Variants in TRIM36 observed in about 807,000 individuals in gnomAD.
TRIM36 encodes the protein tripartite motif containing 36, also known as E3 ubiquitin-protein ligase TRIM36.
In TRIM36, 42 loss-of-function variants were observed where a neutral mutation model predicts 72.4. That is an observed-to-expected ratio of 0.58 (90% confidence interval 0.45 to 0.75). TRIM36 has a LOEUF of 0.75. Among genes scored for constraint, TRIM36 ranks in the 30% least tolerant of loss-of-function variants. The pLI is 0.00. For missense variants in TRIM36, 913 were observed against 857.1 expected (o/e 1.07, Z -0.81); for synonymous variants, 315 against 282.8 (o/e 1.11, Z -1.14).
intron 1 of TRIM36, chr5:115,168,948 G>A (rs1754933426): frequency 6.6e-6 from 1 of 152,206 alleles, no homozygotes. Context: ...AATCACAATG[G>A]ACATAAAGTA....
At chr5:115,161,594 C>A (rs377234254) in intron 2 of TRIM36, among the ~76,000 whole-genome samples, 3 of 152,290 alleles carry the variant, frequency 2.0e-5, no homozygotes, top group Admixed American at 1.3e-4. Context: ...AAACCACTAT[C>A]AAGTTTTTGT....
At position 115,125,388 on chromosome 5, in the gene TRIM36, G is replaced by C. The variant is rs1019458063; in HGVS notation, c.*1115C>G. On this transcript the variant is annotated 3_prime_UTR_variant, in exon 10 of 10. Transcript: ENST00000513154. Reference sequence around the variant, plus strand: ...AGGGTACACAGTCATTGTGATCTTAGTTATCATTTCTAAGTAATTAAATTT... The same window carrying C: ...AGGGTACACAGTCATTGTGATCTTACTTATCATTTCTAAGTAATTAAATTT... The C allele has an allele frequency of 6.6e-6, 1 of 152,034 alleles. No homozygotes were observed. The highest frequency in any genetic ancestry group is 2.4e-5 in the African/African-American group (1 of 41,420). 9.4% of individuals were successfully genotyped at this position (152,034 alleles called of 1,614,324 possible). A position where few individuals can be genotyped will look rare whatever the true frequency, so the allele number is the denominator to read the frequency against.
intron 1 of TRIM36, among the ~76,000 whole-genome samples, chr5:115,178,917 A>C (rs925654598): frequency 6.6e-6 from 1 of 151,812 alleles, no homozygotes; most frequent in Middle Eastern, 3.2e-3. Flanking sequence ...ATCTAAAACT[A>C]CTCCATATGC....
At chr5:115,179,919 CA>C in intron 1 of TRIM36, 2 of 1,522,950 alleles carry the variant, frequency 1.3e-6, no homozygotes, top group Non-Finnish European at 1.8e-6. Context: ...AGTGGCGGGC[CA>C]GGTAGTGCCG....
chr5:115,154,928 C>T (rs1754092953), intron 2 of TRIM36, among the ~76,000 whole-genome samples: 1 of 152,020 alleles, frequency 6.6e-6, no homozygotes, highest in Non-Finnish European at 1.5e-5. Context: ...GATTGTAATC[C>T]CAGCACTTTG....
At chr5:115,165,264 C>T (rs1754698134) in intron 1 of TRIM36, among the ~76,000 whole-genome samples, 3 of 152,172 alleles carry the variant, frequency 2.0e-5, no homozygotes, top group Admixed American at 2.0e-4. Context: ...CTAGGGAGTG[C>T]CCCAGTGGGG....
In TRIM36 at chr5:115,147,292, C is replaced by T. The variant is rs1753643921; in HGVS notation, c.365G>A (p.Arg122Gln). 7 of 1,614,138 alleles carry T rather than the reference C, an allele frequency of 4.3e-6. No homozygotes were observed. The highest frequency in any genetic ancestry group is 1.3e-5 in the African/African-American group (1 of 75,028). ...CACAATAGTTTCCAAAGTGAAGTTT[C>T]GAAACAGACCATTGATTCCTCGTTC... Reference protein sequence around the residue: ...LGERGINGLFRNFTLETIVER... With the variant: ...LGERGINGLFQNFTLETIVER... Residue 122 changes from arginine to glutamine, a missense_variant, in exon 3 of 10, where the codon CGA becomes CAA. Coordinates refer to ENST00000513154, the MANE Select transcript of TRIM36 (RefSeq NM_001300759.2).
At chr5:115,171,179 C>T (rs1290162275), upstream of TRIM36, 1 of 1,614,204 alleles carries the variant, frequency 6.2e-7, no homozygotes, top group Non-Finnish European at 8.5e-7. Flanking sequence ...CGTCGTCTTC[C>T]CACAGCCCTG....
chr5:115,141,254 A>G, intron 5 of TRIM36, 25 bp downstream of exon 5: 1 of 1,465,032 alleles, frequency 6.8e-7, no homozygotes, highest in Non-Finnish European at 9.4e-7. Flanking sequence ...ATAATTTAAA[A>G]TATGCAAGCT....
intron 7 of TRIM36, among the ~76,000 whole-genome samples, chr5:115,134,404 A>C (rs1752855006): frequency 6.6e-6 from 1 of 152,156 alleles, no homozygotes; most frequent in African/African-American, 2.4e-5. Flanking sequence ...AGCCACAAGT[A>C]AATTTTTTTT....
At position 115,125,622 on chromosome 5, in the gene TRIM36, G is replaced by C. The variant is rs1423152792; in HGVS notation, c.*881C>G. On this transcript the variant is annotated 3_prime_UTR_variant, in exon 10 of 10. Coordinates refer to ENST00000513154, the MANE Select transcript of TRIM36 (RefSeq NM_001300759.2). ...ATGAAAATCACAAAACACAGTAAGGGGGTAAAAGAATAAATATGACTTTTA... is the reference window on the plus strand; with the variant it reads ...ATGAAAATCACAAAACACAGTAAGGCGGTAAAAGAATAAATATGACTTTTA... The C allele has an allele frequency of 2.0e-5, 3 of 151,930 alleles. No homozygotes were observed. Among genetic ancestry groups the C allele is most frequent in the Admixed American group, 6.6e-5 (1 of 15,248 alleles). 9.4% of individuals were successfully genotyped at this position (151,930 alleles called of 1,614,324 possible). A position where few individuals can be genotyped will look rare whatever the true frequency, so the allele number is the denominator to read the frequency against.
At chr5:115,155,556 A>G (rs1469342425) in intron 2 of TRIM36, among the ~76,000 whole-genome samples, 1 of 152,216 alleles carries the variant, frequency 6.6e-6, no homozygotes, top group African/African-American at 2.4e-5. Flanking sequence ...AGAATTAAAA[A>G]CAAAAATCAC....
intron 4 of TRIM36, among the ~76,000 whole-genome samples, chr5:115,143,189 G>T (rs919578122): frequency 3.1e-5 from 4 of 128,936 alleles, no homozygotes; most frequent in Non-Finnish European, 4.6e-5. Context: ...CTTACACAAG[G>T]CTGGAAAGAG....
chr5:115,128,417 A>G (rs1397682541), intron 9 of TRIM36, among the ~76,000 whole-genome samples: 1 of 151,922 alleles, frequency 6.6e-6, no homozygotes, highest in Non-Finnish European at 1.5e-5. Context: ...TTGTGTTTTA[A>G]GCTAAGTGTT....
At chr5:115,139,813 T>C (rs1353881713) in intron 5 of TRIM36, among the ~76,000 whole-genome samples, 1 of 152,186 alleles carries the variant, frequency 6.6e-6, no homozygotes, top group Non-Finnish European at 1.5e-5. Flanking sequence ...ATGTCCCCAC[T>C]ATCCCAAGGA....
intron 7 of TRIM36, among the ~76,000 whole-genome samples, chr5:115,135,845 A>T (rs1752937445): frequency 6.6e-6 from 1 of 152,238 alleles, no homozygotes; most frequent in Non-Finnish European, 1.5e-5. Context: ...TTTGAAAAGG[A>T]GGTCACAGTA....
chr5:115,149,122 C>A (rs921922712), intron 2 of TRIM36: 2 of 152,026 alleles, frequency 1.3e-5, no homozygotes, highest in Non-Finnish European at 2.9e-5. Flanking sequence ...TTAATGCATA[C>A]AAAAAAGTTG....
At chr5:115,145,427 A>G (rs1217107372) in intron 3 of TRIM36, among the ~76,000 whole-genome samples, 4 of 152,238 alleles carry the variant, frequency 2.6e-5, no homozygotes, top group Non-Finnish European at 5.9e-5. Context: ...GATTCCTTTA[A>G]GTTAGTATGT....
chr5:115,156,919 C>G (rs1426120678), intron 2 of TRIM36, among the ~76,000 whole-genome samples: 1 of 152,296 alleles, frequency 6.6e-6, no homozygotes, highest in Middle Eastern at 3.4e-3. Context: ...ATCTATACAT[C>G]TGACAAAGGA....
Sources: gnomAD v4.1 joint callset for allele counts (sites outside exome capture counted in the v4.1 genomes callset) on GRCh38, gnomAD v4.1.1 for gene constraint, MANE v1.5 for transcripts, NCBI Gene and HGNC (gene_info 2026-07-23, HGNC 2026-07-21) for gene names.